ATAD2: variants seen among roughly 807,000 people sequenced by gnomAD.
ATAD2 encodes the protein ATPase family AAA domain containing 2, also known as ATPase family AAA domain-containing protein 2.
In ATAD2, 62 loss-of-function variants were observed where a neutral mutation model predicts 168.9. The ratio of observed to expected loss-of-function variants is 0.37; its 90% confidence interval spans 0.30 to 0.45. ATAD2 has a LOEUF of 0.45. Among genes scored for constraint, ATAD2 ranks in the 20% least tolerant of loss-of-function variants. The pLI is 1.00. For missense variants in ATAD2, 1,419 were observed against 1,667.8 expected, an observed-to-expected ratio of 0.85 and a Z score of 2.60; for synonymous variants, 613 against 571.6, an observed-to-expected ratio of 1.07 and a Z score of -1.03.
Position 123,336,385 on chromosome 8 carries a change from T to C in ATAD2, c.3199A>G (p.Arg1067Gly). The C allele has an allele frequency of 6.3e-7, 1 of 1,582,010 alleles. No homozygotes were observed. Among genetic ancestry groups the C allele is most frequent in the Non-Finnish European group, 8.5e-7 (1 of 1,170,732 alleles). Residue 1067 changes from arginine to glycine, a missense_variant, in exon 22 of 28, where the codon AGA (arginine) becomes GGA (glycine). This residue lies in a region of ATAD2 where 545 missense variants were observed against 724.9 expected (regional missense o/e 0.75). Coordinates refer to ENST00000287394, the MANE Select transcript of ATAD2 (RefSeq NM_014109.4). The part of the protein sequence containing the change: ...CSNALEYNPD[R>G]DPGDRLIRHR... Reference sequence around the variant, plus strand: ...CACTAATGCTCACCTCCAGGATCTCTATCTGGATTGTATTCTAAGGCATTA... The same window carrying C: ...CACTAATGCTCACCTCCAGGATCTCCATCTGGATTGTATTCTAAGGCATTA...
At position 123,320,822 on chromosome 8, in the gene ATAD2, T is replaced by C. The variant is rs1307690619; in HGVS notation, c.*312A>G. The C allele has an allele frequency of 3.8e-6, 1 of 260,102 alleles. No individual in the cohort carries two copies. Among genetic ancestry groups the C allele is most frequent in the Non-Finnish European group, 7.2e-6 (1 of 139,734 alleles). 16.1% of individuals were successfully genotyped at this position (260,102 alleles called of 1,614,324 possible). On this transcript the variant is annotated 3_prime_UTR_variant, in exon 28 of 28. Coordinates refer to ENST00000287394, the MANE Select transcript of ATAD2 (RefSeq NM_014109.4). The stretch of plus-strand genomic sequence containing the variant: ...GCTTAATACAAACAAAATTTAACGC[T>C]GCTAATTATTCTTAAGTGCCATAAA...
chr8:123,411,637 G>C (rs1463619436), intron 1 of ATAD2, among the ~76,000 whole-genome samples: 1 of 152,150 alleles, frequency 6.6e-6, no homozygotes, highest in Non-Finnish European at 1.5e-5. Context: ...AGAGCACAGC[G>C]GGAGGGACAA....
At position 123,328,216 on chromosome 8, in the gene ATAD2, T is replaced by C. The variant is rs778550385; in HGVS notation, c.3842A>G (p.His1281Arg). 9.9e-6 allele frequency: 14 copies of C among 1,412,864 alleles called. No homozygotes were observed. Among genetic ancestry groups the C allele is most frequent in the Non-Finnish European group, 1.3e-5 (14 of 1,079,810 alleles). 87.5% of individuals were successfully genotyped at this position (1,412,864 alleles called of 1,614,324 possible). ...TTTTCCTTCATTTTCATCAGAAATA[T>C]GTATTATCTGAGAGCTAGAAGCATC... ...NGDASSSQII[H>R]ISDENEGKEM... is the part of the protein sequence containing the mutation. The change falls in exon 25 of 28, where the codon CAT becomes CGT. Residue 1281 changes from histidine to arginine, a missense_variant. Physicochemically the swap from His to Arg is conservative, Grantham distance 29 (BLOSUM62 0). This residue lies in a region of ATAD2 where 303 missense variants were observed against 304.3 expected (regional missense o/e 1.00). Transcript: ENST00000287394.
intron 23 of ATAD2, 69 bp from the exon 24 acceptor site, chr8:123,334,090 A>T: frequency 6.4e-7 from 1 of 1,573,004 alleles, no homozygotes; most frequent in Non-Finnish European, 8.6e-7. Context: ...GATTAACTAA[A>T]AGTACAAAAT....
chr8:123,324,839 G>A (rs1378585733), intron 26 of ATAD2, among the ~76,000 whole-genome samples: 1 of 152,170 alleles, frequency 6.6e-6, no homozygotes, highest in Non-Finnish European at 1.5e-5. Context: ...AACAGAATGA[G>A]CAACAGATAA....
chr8:123,372,810 C>T, intron 2 of ATAD2, 124 bp from the exon 3 acceptor site: 1 of 707,798 alleles, frequency 1.4e-6, no homozygotes, highest in Non-Finnish European at 2.1e-6. Flanking sequence ...TCACTACAGC[C>T]TCAAACTGCT....
At chr8:123,395,770 C>T (rs896526220) in intron 1 of ATAD2, among the ~76,000 whole-genome samples, 1 of 152,128 alleles carries the variant, frequency 6.6e-6, no homozygotes, top group Non-Finnish European at 1.5e-5. Context: ...CCCCTCCCCC[C>T]CAACGTTTAT....
At chr8:123,351,179 C>T (rs536142280) in intron 13 of ATAD2, among the ~76,000 whole-genome samples, 3 of 152,268 alleles carry the variant, frequency 2.0e-5, no homozygotes, top group African/African-American at 4.8e-5. Context: ...GGTTGAGTTT[C>T]GGTCAGGTGT....
Position 123,370,980 on chromosome 8 carries a change from T to C in ATAD2, c.650A>G (p.Asn217Ser). 2 of 1,578,586 alleles carry C rather than the reference T, an allele frequency of 1.3e-6. No homozygotes were observed. The highest frequency in any genetic ancestry group is 2.2e-5 in the East Asian group (1 of 44,450). The change falls in exon 6 of 28, where the codon AAT becomes AGT. Residue 217 changes from asparagine to serine, a missense_variant. Asn to Ser is a conservative substitution (Grantham distance 46). Transcript: ENST00000287394. ...VFNETEESNL[N>S]MYTRGKQKDI... The stretch of plus-strand genomic sequence containing the variant: ...TTTCTGTTTTCCTCTTGTGTACATA[T>C]TAAGATTGCTCTAAAAATGTTTAAA...
intron 22 of ATAD2, 25 bp from the exon 23 acceptor site, chr8:123,334,347 T>G (rs1827857423): frequency 6.8e-7 from 1 of 1,473,928 alleles, no homozygotes; most frequent in Non-Finnish European, 9.0e-7. Flanking sequence ...AAAAATGTAA[T>G]TTTTAATTTC....
intron 8 of ATAD2, among the ~76,000 whole-genome samples, chr8:123,366,735 GA>G (rs1249762612): frequency 6.6e-6 from 1 of 152,156 alleles, no homozygotes; most frequent in Non-Finnish European, 1.5e-5. Context: ...AACTCAGGGG[GA>G]AAGAGTGGGA....
intron 20 of ATAD2, 107 bp downstream of exon 20, chr8:123,339,190 ATGCATCAACCTCAT>A: frequency 1.2e-6 from 1 of 852,184 alleles, no homozygotes; most frequent in Non-Finnish European, 1.8e-6. Flanking sequence ...TAAGCAGCAG[ATGCATCAACCTCAT>A]GACTTAGGTT....
intron 1 of ATAD2, among the ~76,000 whole-genome samples, chr8:123,388,195 C>T (rs558900187): frequency 3.9e-5 from 6 of 152,080 alleles, no homozygotes; most frequent in East Asian, 1.9e-4. Flanking sequence ...CTGATCACTA[C>T]CTTCTTTATT....
At chr8:123,359,873 A>G (rs72722098) in intron 9 of ATAD2, among the ~76,000 whole-genome samples, 188 bp from the exon 10 acceptor site, 7,263 of 152,292 alleles carry the variant, frequency 0.048, 215 homozygotes, top group Non-Finnish European at 0.064. Context: ...AGAAATATTT[A>G]TATCTGAAGC....
chr8:123,337,431 T>C (rs1226606559), intron 21 of ATAD2, among the ~76,000 whole-genome samples, 194 bp downstream of exon 21: 1 of 152,132 alleles, frequency 6.6e-6, no homozygotes, highest in Non-Finnish European at 1.5e-5. Flanking sequence ...ACAAAGTTAA[T>C]TGTCTGCAGG....
At chr8:123,337,053 CAAAAAA>C (rs58960333) in intron 21 of ATAD2, among the ~76,000 whole-genome samples, 10 of 62,012 alleles carry the variant, frequency 1.6e-4, no homozygotes, top group African/African-American at 2.8e-4. Flanking sequence ...ACCCTTACTA[CAAAAAA>C]AAAAAAAAAA....
intron 13 of ATAD2, among the ~76,000 whole-genome samples, chr8:123,354,857 AAAAAAAAAT>A (rs1563846967): frequency 1.6e-5 from 2 of 124,236 alleles, no homozygotes; most frequent in East Asian, 4.2e-4. Context: ...AAAAAAAAAA[AAAAAAAAAT>A]ATATATATAT....
chr8:123,367,317 T>C (rs1829010376), intron 8 of ATAD2, among the ~76,000 whole-genome samples: 1 of 152,166 alleles, frequency 6.6e-6, no homozygotes, highest in Non-Finnish European at 1.5e-5. Flanking sequence ...CTCGGGGGGC[T>C]GAGGCAGAAG....
chr8:123,412,555 C>T (rs1813174631), intron 1 of ATAD2, among the ~76,000 whole-genome samples: 1 of 152,080 alleles, frequency 6.6e-6, no homozygotes, highest in Non-Finnish European at 1.5e-5. Flanking sequence ...GCTTCAGCCT[C>T]CTGGGTGCCT....
Sources: gnomAD v4.1 joint callset for allele counts (sites outside exome capture counted in the v4.1 genomes callset) on GRCh38, gnomAD v4.1.1 for gene constraint, gnomAD v4.1.1 regional missense constraint, MANE v1.5 for transcripts, NCBI Gene and HGNC (gene_info 2026-07-23, HGNC 2026-07-21) for gene names.